BRD10: variants seen among roughly 807,000 people sequenced by gnomAD.
The protein encoded by BRD10 is bromodomain containing 10, also known as uncharacterized bromodomain-containing protein 10.
chr9:5,892,041 C>G, the BRD10 span, among the ~76,000 whole-genome samples: 4 of 152,310 alleles, frequency 2.6e-5, no homozygotes, highest in East Asian at 7.7e-4. Flanking sequence ...AGAAAAATAA[C>G]TCCTCTAATT....
chr9:5,930,077 T>C, the BRD10 span, among the ~76,000 whole-genome samples: 1 of 151,646 alleles, frequency 6.6e-6, no homozygotes, highest in Admixed American at 6.6e-5. Context: ...AGCCACAGTA[T>C]ATACTTATTA....
At chr9:5,880,481 TC>T in the BRD10 span, among the ~76,000 whole-genome samples, 95,337 of 151,406 alleles carry the variant, frequency 0.63, 31,614 homozygotes, top group Non-Finnish European at 0.76. Flanking sequence ...GCCACTGCAC[TC>T]CAGCCTCGGC....
the BRD10 span, chr9:5,908,768 T>C: frequency 6.8e-7 from 1 of 1,462,228 alleles, no homozygotes; most frequent in South Asian, 1.1e-5. Flanking sequence ...TGCTTGAATT[T>C]AATACAGACA....
the BRD10 span, among the ~76,000 whole-genome samples, chr9:5,912,073 G>A: frequency 6.6e-6 from 1 of 151,984 alleles, no homozygotes; most frequent in African/African-American, 2.4e-5. Flanking sequence ...TTTCTTCAAT[G>A]TTTTAGTTTT....
the BRD10 span, among the ~76,000 whole-genome samples, chr9:5,928,448 A>T: frequency 6.6e-6 from 1 of 151,422 alleles, no homozygotes. Context: ...CAGTGTAAAA[A>T]CTCCAATTCT....
chr9:5,895,620 T>A, the BRD10 span, among the ~76,000 whole-genome samples: 1 of 152,226 alleles, frequency 6.6e-6, no homozygotes, highest in East Asian at 1.9e-4. Flanking sequence ...GTTCTCACAG[T>A]TGGGTGGACA....
At chr9:5,879,922 G>C in the BRD10 span, among the ~76,000 whole-genome samples, 2 of 152,072 alleles carry the variant, frequency 1.3e-5, no homozygotes, top group African/African-American at 2.4e-5. Context: ...ATGCTACGTA[G>C]AACTTACTTC....
At chr9:5,903,983 A>G in the BRD10 span, among the ~76,000 whole-genome samples, 2 of 151,586 alleles carry the variant, frequency 1.3e-5, no homozygotes, top group Non-Finnish European at 1.5e-5. Flanking sequence ...TCAGCCTCCC[A>G]AGTAGCTGGT....
At chr9:5,950,051 T>C in the BRD10 span, among the ~76,000 whole-genome samples, 13 of 152,192 alleles carry the variant, frequency 8.5e-5, no homozygotes, top group Non-Finnish European at 1.8e-4. Context: ...AAATATATAA[T>C]GCATCATAAC....
chr9:5,903,671 G>C, the BRD10 span, among the ~76,000 whole-genome samples: 1 of 152,084 alleles, frequency 6.6e-6, no homozygotes, highest in Non-Finnish European at 1.5e-5. Context: ...CATGTATTTT[G>C]ATGCTGTGTT....
the BRD10 span, among the ~76,000 whole-genome samples, chr9:5,931,525 C>T: frequency 1.3e-5 from 2 of 152,162 alleles, no homozygotes; most frequent in African/African-American, 4.8e-5. Context: ...AGAGAACAGA[C>T]TTCTTTCATA....
the BRD10 span, among the ~76,000 whole-genome samples, chr9:5,954,351 G>A: frequency 7.2e-5 from 11 of 151,962 alleles, no homozygotes; most frequent in Admixed American, 2.0e-4. Flanking sequence ...TGTGTTATAC[G>A]GTAGAATCTA....
the BRD10 span, chr9:5,933,860 T>C: frequency 2.1e-6 from 1 of 470,476 alleles, no homozygotes; most frequent in Non-Finnish European, 4.4e-6. Context: ...GGCAATCTAC[T>C]GATGCTGGGG....
chr9:5,948,671 T>C, the BRD10 span, among the ~76,000 whole-genome samples: 1 of 151,850 alleles, frequency 6.6e-6, no homozygotes, highest in Middle Eastern at 3.2e-3. Context: ...ATACAAACAA[T>C]ATGGTAGATT....
the BRD10 span, among the ~76,000 whole-genome samples, chr9:5,951,274 T>G: frequency 6.6e-6 from 1 of 151,766 alleles, no homozygotes; most frequent in Non-Finnish European, 1.5e-5. Flanking sequence ...ACAAAAACAT[T>G]GTCAAACTAA....
the BRD10 span, among the ~76,000 whole-genome samples, chr9:5,952,494 ATGTAAT>A: frequency 6.6e-6 from 1 of 152,354 alleles, no homozygotes; most frequent in Non-Finnish European, 1.5e-5. Flanking sequence ...CACTTACTAT[ATGTAAT>A]TGTGCTGATT....
the BRD10 span, among the ~76,000 whole-genome samples, chr9:5,989,235 TA>T: frequency 1.2e-3 from 55 of 46,184 alleles, 1 homozygote; most frequent in African/African-American, 4.2e-3. Context: ...TCTGTCTCAT[TA>T]AAAAAAAAAA....
the BRD10 span, chr9:5,929,202 A>G: frequency 9.9e-7 from 1 of 1,013,130 alleles, no homozygotes; most frequent in South Asian, 1.4e-5. Context: ...TTTATTCTAA[A>G]AGTAAATGTC....
chr9:5,914,409 GGTTTTTTTTTTTT>G, the BRD10 span, among the ~76,000 whole-genome samples: 6 of 106,966 alleles, frequency 5.6e-5, no homozygotes, highest in East Asian at 6.0e-4. Context: ...AAATCCAGAT[GGTTTTTTTTTTTT>G]TTTTTTTTTT....
Sources: allele counts gnomAD v4.1 joint callset (sites outside exome capture counted in the v4.1 genomes callset), GRCh38; gene constraint gnomAD v4.1.1; transcripts MANE v1.5; gene names NCBI Gene and HGNC (gene_info 2026-07-23, HGNC 2026-07-21).